Variants in IFT43 observed in about 807,000 individuals in gnomAD.
IFT43 encodes the protein intraflagellar transport protein 43 homolog.
IFT43 carries 33 observed loss-of-function variants against 32.3 expected under a neutral mutation model. The ratio of observed to expected loss-of-function variants is 1.02; its 90% CI spans 0.77 to 1.37. The LOEUF is 1.37. Ranked by LOEUF, IFT43 falls within the 40% of genes most tolerant of loss-of-function variation. IFT43 has a pLI of 0.00. For missense variants in IFT43, 274 were observed against 265.9 expected, an observed-to-expected ratio of 1.03 and a Z score of -0.21; for synonymous variants, 93 against 98.2, an observed-to-expected ratio of 0.95 and a Z score of 0.31.
intron 3 of IFT43, among the ~76,000 whole-genome samples, chr14:76,045,484 A>C (rs1158726487): frequency 1.3e-5 from 2 of 152,234 alleles, no homozygotes; most frequent in African/African-American, 4.8e-5. Context: ...ATCTGCAGTC[A>C]ACAGAAAATC....
At chr14:76,050,608 C>T (rs758939403) in intron 3 of IFT43, among the ~76,000 whole-genome samples, 9 of 152,114 alleles carry the variant, frequency 5.9e-5, no homozygotes, top group South Asian at 2.1e-4. Flanking sequence ...AGGTGCACAC[C>T]GCTGTACCCA....
At chr14:76,032,231 T>C (rs1027153487) in intron 3 of IFT43, among the ~76,000 whole-genome samples, 2 of 152,236 alleles carry the variant, frequency 1.3e-5, no homozygotes, top group Non-Finnish European at 2.9e-5. Context: ...TTGAAATACA[T>C]CTGTTGTCTG....
At chr14:75,992,878 G>A (rs574598692) in intron 2 of IFT43, among the ~76,000 whole-genome samples, 6 of 152,100 alleles carry the variant, frequency 3.9e-5, no homozygotes, top group South Asian at 2.1e-4. Flanking sequence ...TGCAGCAGGC[G>A]TTTCTTAAGA....
At chr14:76,046,377 T>C (rs980714284) in intron 3 of IFT43, among the ~76,000 whole-genome samples, 1 of 152,052 alleles carries the variant, frequency 6.6e-6, no homozygotes, top group Admixed American at 6.6e-5. Context: ...GCTGCTGGAC[T>C]TGCCAGTGAG....
At chr14:76,047,458 GA>G (rs980575421) in intron 3 of IFT43, among the ~76,000 whole-genome samples, 31 of 152,274 alleles carry the variant, frequency 2.0e-4, no homozygotes, top group Middle Eastern at 3.4e-3. Context: ...TAAGCAGGAA[GA>G]AAACAAATGG....
intron 2 of IFT43, among the ~76,000 whole-genome samples, chr14:75,994,741 A>G (rs1173574921): frequency 1.3e-5 from 2 of 152,232 alleles, no homozygotes; most frequent in Non-Finnish European, 2.9e-5. Flanking sequence ...ATGAGTGTCT[A>G]CATGTCTGTG....
At chr14:76,067,109 A>G (rs983162235) in intron 5 of IFT43, among the ~76,000 whole-genome samples, 1 of 152,104 alleles carries the variant, frequency 6.6e-6, no homozygotes, top group Non-Finnish European at 1.5e-5. Flanking sequence ...CTCTATGTGT[A>G]TTGCTCAGCA....
chr14:76,016,450 A>G (rs1278908259), intron 2 of IFT43, among the ~76,000 whole-genome samples: 2 of 152,040 alleles, frequency 1.3e-5, no homozygotes, highest in Admixed American at 6.6e-5. Context: ...TTTGGTTACT[A>G]TAGCTTTGTA....
At chr14:76,035,962 G>A (rs542864572) in intron 3 of IFT43, among the ~76,000 whole-genome samples, 3 of 152,230 alleles carry the variant, frequency 2.0e-5, no homozygotes, top group East Asian at 1.9e-4. Flanking sequence ...CATATATAAG[G>A]GCACACAGTT....
At chr14:75,985,898 C>A in intron 1 of IFT43, 58 bp downstream of exon 1, 1 of 1,590,120 alleles carries the variant, frequency 6.3e-7, no homozygotes, top group Non-Finnish European at 8.6e-7. Flanking sequence ...GAGGAGCGAC[C>A]CCGCCGGCCC....
At chr14:76,013,900 A>T in intron 2 of IFT43, 1 of 234,248 alleles carries the variant, frequency 4.3e-6, no homozygotes, top group Non-Finnish European at 9.3e-6. Context: ...CAAAACAAAG[A>T]TTTATCACCC....
At chr14:75,986,112 T>C (rs1487279150) in intron 1 of IFT43, 11 of 1,428,042 alleles carry the variant, frequency 7.7e-6, no homozygotes, top group Admixed American at 2.1e-5. Context: ...TCCGAGCCTT[T>C]CTCCGTTTTC....
chr14:76,080,687 G>A (rs924224177), intron 5 of IFT43, among the ~76,000 whole-genome samples: 4 of 152,198 alleles, frequency 2.6e-5, no homozygotes, highest in African/African-American at 7.2e-5. Context: ...CATAGGGCCT[G>A]TGCAGTCTTA....
chr14:76,029,405 T>G (rs1216226158), intron 3 of IFT43, among the ~76,000 whole-genome samples: 1 of 152,200 alleles, frequency 6.6e-6, no homozygotes, highest in Non-Finnish European at 1.5e-5. Flanking sequence ...CTCCCATTCT[T>G]AGGTTATTTG....
At chr14:76,078,978 A>G (rs1381656061) in intron 5 of IFT43, among the ~76,000 whole-genome samples, 3 of 152,156 alleles carry the variant, frequency 2.0e-5, no homozygotes, top group African/African-American at 7.2e-5. Flanking sequence ...GGTAAGGGAG[A>G]GGACTTAGCA....
At chr14:76,051,323 G>T (rs1241802397) in intron 3 of IFT43, among the ~76,000 whole-genome samples, 2 of 151,194 alleles carry the variant, frequency 1.3e-5, no homozygotes, top group East Asian at 3.9e-4. Flanking sequence ...GGAGAAATCT[G>T]TTGGACAAGG....
chr14:75,999,269 ATATGTATATATATT>A (rs1270178150), intron 2 of IFT43, among the ~76,000 whole-genome samples: 15 of 24,244 alleles, frequency 6.2e-4, no homozygotes, highest in African/African-American at 1.7e-3. Context: ...ATATATATAT[ATATGTATATATATT>A]TTTTTTTTTT....
chr14:76,067,765 C>T (rs7144736), intron 5 of IFT43, among the ~76,000 whole-genome samples: 53,005 of 151,944 alleles, frequency 0.35, 9,355 homozygotes, highest in African/African-American at 0.4. Context: ...AGGCAGATGA[C>T]GTAAACCCGT....
intron 2 of IFT43, among the ~76,000 whole-genome samples, chr14:76,018,481 TG>T (rs2036230913): frequency 6.6e-6 from 1 of 152,208 alleles, no homozygotes; most frequent in South Asian, 2.1e-4. Context: ...TGGTCTATTC[TG>T]GAGAATGTTC....
Sources: allele counts gnomAD v4.1 joint callset (sites outside exome capture counted in the v4.1 genomes callset), GRCh38; gene constraint gnomAD v4.1.1; transcripts MANE v1.5; gene names NCBI Gene and HGNC (gene_info 2026-07-23, HGNC 2026-07-21).